The following CORIN variants were observed in gnomAD, a reference collection of about 807,000 sequenced individuals.
CORIN encodes the protein atrial natriuretic peptide-converting enzyme.
A neutral mutation model predicts 125.3 loss-of-function variants in CORIN; 117 were observed. The ratio of observed to expected loss-of-function variants is 0.93; its 90% CI spans 0.80 to 1.09. The LOEUF (loss-of-function observed/expected upper bound fraction) is 1.09. Ranked by LOEUF, CORIN falls within the 50% of genes least tolerant of loss-of-function variation. The pLI is 0.00. For missense variants in CORIN, 1,253 were observed against 1,306.7 expected, an observed-to-expected ratio of 0.96 and a Z score of 0.63; for synonymous variants, 450 against 466.4, an observed-to-expected ratio of 0.96 and a Z score of 0.45.
intron 16 of CORIN, among the ~76,000 whole-genome samples, chr4:47,628,478 A>C (rs1054642672): frequency 1.4e-4 from 21 of 150,404 alleles, no homozygotes; most frequent in African/African-American, 4.9e-4. Flanking sequence ...GTGTGTTAAG[A>C]ACACTAAGGC....
intron 5 of CORIN, among the ~76,000 whole-genome samples, chr4:47,734,813 T>C (rs2109821259): frequency 6.6e-6 from 1 of 152,334 alleles, no homozygotes; most frequent in Non-Finnish European, 1.5e-5. Context: ...TGCCTCTACC[T>C]ACTAGGTGTT....
intron 9 of CORIN, among the ~76,000 whole-genome samples, chr4:47,675,688 C>T (rs1207957747): frequency 6.6e-6 from 1 of 152,084 alleles, no homozygotes; most frequent in Non-Finnish European, 1.5e-5. Context: ...CTGAACAAAA[C>T]CTTCTGATGC....
At chr4:47,735,605 C>T (rs932757015) in intron 5 of CORIN, among the ~76,000 whole-genome samples, 4 of 152,078 alleles carry the variant, frequency 2.6e-5, no homozygotes, top group African/African-American at 4.8e-5. Flanking sequence ...TTTTAAGTGG[C>T]ATTTTAGTTT....
intron 3 of CORIN, among the ~76,000 whole-genome samples, chr4:47,773,474 C>T (rs575401600): frequency 6.6e-6 from 1 of 152,292 alleles, no homozygotes; most frequent in South Asian, 2.1e-4. Context: ...GCCTGGATTA[C>T]ACCAGCTGGG....
chr4:47,630,844 C>T, intron 16 of CORIN, among the ~76,000 whole-genome samples: 1 of 152,162 alleles, frequency 6.6e-6, no homozygotes, highest in East Asian at 1.9e-4. Flanking sequence ...TTTTCTGATT[C>T]AGTTAAGTCT....
At chr4:47,605,327 G>A (rs1424570725) in intron 19 of CORIN, among the ~76,000 whole-genome samples, 1 of 152,100 alleles carries the variant, frequency 6.6e-6, no homozygotes, top group African/African-American at 2.4e-5. Flanking sequence ...TTTATTCACA[G>A]GGCTTGGTAC....
intron 6 of CORIN, among the ~76,000 whole-genome samples, chr4:47,686,666 C>T (rs1344829945): frequency 6.6e-6 from 1 of 152,130 alleles, no homozygotes; most frequent in Non-Finnish European, 1.5e-5. Context: ...ATCTAAATTA[C>T]TCTTGTGGGA....
intron 16 of CORIN, among the ~76,000 whole-genome samples, chr4:47,636,338 C>A (rs1723025773): frequency 6.6e-6 from 1 of 152,144 alleles, no homozygotes; most frequent in African/African-American, 2.4e-5. Flanking sequence ...ACTCAAATAC[C>A]AGATGTTTCA....
At chr4:47,819,173 G>C (rs978498820) in intron 1 of CORIN, among the ~76,000 whole-genome samples, 5 of 152,156 alleles carry the variant, frequency 3.3e-5, no homozygotes, top group African/African-American at 1.2e-4. Context: ...ATGCGGATTT[G>C]AGAGGAGAAC....
At position 47,737,053 on chromosome 4, in the gene CORIN, C is replaced by T. The variant is rs185672894; in HGVS notation, c.799+7349G>A. Among the ~76,000 whole-genome samples the T allele has an allele frequency of 1.8e-4, 28 of 152,334 alleles. No individual in the cohort carries two copies. The East Asian group carries it at 4.8e-3, about 26-fold the overall frequency. On this transcript the variant is annotated intron_variant, in intron 5 of 21. Transcript: ENST00000273857. The stretch of plus-strand genomic sequence containing the variant: ...AATGGAAATTACAGAAATTATACTG[C>T]TCTGAGCAGAAAATAAAATAAAATT...
intron 12 of CORIN, among the ~76,000 whole-genome samples, chr4:47,654,813 G>A (rs1723893476): frequency 6.6e-6 from 1 of 152,056 alleles, no homozygotes; most frequent in South Asian, 2.1e-4. Flanking sequence ...TTGGGGGCAT[G>A]CAACCTAGTG....
At chr4:47,759,083 C>T (rs938109412) in intron 4 of CORIN, among the ~76,000 whole-genome samples, 1 of 152,014 alleles carries the variant, frequency 6.6e-6, no homozygotes, top group Non-Finnish European at 1.5e-5. Context: ...TGACAAGGTG[C>T]CAAGAACACA....
intron 5 of CORIN, among the ~76,000 whole-genome samples, chr4:47,711,193 C>A (rs1726824098): frequency 6.6e-6 from 1 of 152,200 alleles, no homozygotes; most frequent in African/African-American, 2.4e-5. Context: ...TCCTGCCACA[C>A]CCACCAAAGT....
At position 47,806,921 on chromosome 4, in the gene CORIN, T is replaced by C. The variant is rs758226081; in HGVS notation, c.190A>G (p.Ile64Val). 2.2e-5 allele frequency: 35 copies of C among 1,612,644 alleles called. No individual in the cohort carries two copies. The East Asian group carries it at 7.4e-4, about 34-fold the overall frequency. The change falls in exon 2 of 22, where the codon ATC becomes GTC. Residue 64 changes from isoleucine (I) to valine (V), a missense_variant. Physicochemically the swap from Ile to Val is conservative, Grantham distance 29 (BLOSUM62 3). Coordinates refer to ENST00000273857, the MANE Select transcript of CORIN (RefSeq NM_006587.4). ...CICALVLLLV[I>V]LLSYVGTLQK... ...CACCCACCAACATAGGAAAGCAGGA[T>C]CACCAGCAAGAGAACGAGAGCACAG...
chr4:47,819,777 C>G (rs948860104), intron 1 of CORIN, among the ~76,000 whole-genome samples: 2 of 152,170 alleles, frequency 1.3e-5, no homozygotes, highest in African/African-American at 4.8e-5. Flanking sequence ...CTTCTACCTC[C>G]AAATTCTACC....
chr4:47,599,271 GCCTC>G lies in CORIN; in HGVS notation c.2946+939_2946+942del, dbSNP rs201602810. Among the ~76,000 whole-genome samples the G allele has an allele frequency of 5.6e-3, 857 of 152,100 alleles. 12 individuals carry two copies. Among genetic ancestry groups the G allele is most frequent in the African/African-American group, 0.02 (824 of 41,514 alleles). The stretch of plus-strand genomic sequence containing the variant: ...CAGCGAAATGCCAAGGGAGCTGTCT[GCCTC>G]CCTCTTTCCCATGACAACTATCTAA... On this transcript the variant is annotated intron_variant, in intron 21 of 21. Transcript: ENST00000273857.
In CORIN at chr4:47,763,367, G is replaced by C; in HGVS notation, c.617+12C>G. 1 of 1,605,680 alleles carries C rather than the reference G, an allele frequency of 6.2e-7. No individual in the cohort carries two copies. The highest frequency in any genetic ancestry group is 1.1e-5 in the South Asian group (1 of 90,104). ...CAACTCTTATCACTGAATAATCTGG[G>C]TTCCGAAATACCTGTCATCGCCATC... On this transcript the variant is annotated intron_variant, in intron 4 of 21. Transcript: ENST00000273857.
At chr4:47,704,543 T>G (rs1156728046) in intron 5 of CORIN, among the ~76,000 whole-genome samples, 1 of 151,808 alleles carries the variant, frequency 6.6e-6, no homozygotes, top group African/African-American at 2.4e-5. Flanking sequence ...GGGGAAGAAA[T>G]GTACAGAAAA....
chr4:47,758,531 A>T (rs1729298471), intron 4 of CORIN, among the ~76,000 whole-genome samples: 1 of 152,190 alleles, frequency 6.6e-6, no homozygotes, highest in Non-Finnish European at 1.5e-5. Flanking sequence ...CAAGCCTATT[A>T]AAAAAACAAA....
Sources: allele counts gnomAD v4.1 joint callset (sites outside exome capture counted in the v4.1 genomes callset), GRCh38; gene constraint gnomAD v4.1.1; transcripts MANE v1.5; gene names NCBI Gene and HGNC (gene_info 2026-07-23, HGNC 2026-07-21).